Variants in MAPK12 observed in about 807,000 individuals in gnomAD.
MAPK12 encodes the protein mitogen-activated protein kinase 12, also known as MAP kinase 12.
MAPK12 carries 49 observed loss-of-function variants against 49.1 expected under a neutral mutation model. That is an observed-to-expected ratio of 1.00 (90% CI 0.79 to 1.27). The LOEUF is 1.27. Among genes scored for constraint, MAPK12 ranks in the 50% most tolerant of loss-of-function variants. MAPK12 has a pLI of 0.00. For missense variants in MAPK12, 554 were observed against 502.4 expected (o/e 1.10, Z -0.98); for synonymous variants, 251 against 209.7 (o/e 1.20, Z -1.70).
rs200252096 is a variant in MAPK12, at chr22:50,258,210, C to T, written c.314+33G>A. On this transcript the variant is annotated intron_variant, in intron 3 of 11. Transcript: ENST00000215659. ...GTGCCCAGAGCTGCCCAACACCCCTCGTGCCCAGCGGCCAGCCCAGGTCGG... is the reference window on the plus strand; with the variant it reads ...GTGCCCAGAGCTGCCCAACACCCCTTGTGCCCAGCGGCCAGCCCAGGTCGG... 245 of 1,609,770 alleles carry T rather than the reference C, an allele frequency of 1.5e-4. 1 individual carries two copies. In the East Asian group the frequency reaches 2.0e-3, roughly 13 times the overall value.
At chr22:50,257,633 G>T in intron 3 of MAPK12, 1 of 575,208 alleles carries the variant, frequency 1.7e-6, no homozygotes, top group Non-Finnish European at 3.1e-6. Context: ...ATGGGGGCGC[G>T]GCAAGGCATC....
Position 50,255,497 on chromosome 22 carries a change from T to C in MAPK12, c.806A>G (p.Glu269Gly). 6.2e-7 allele frequency: 1 copy of C among 1,613,110 alleles called. No individual in the cohort carries two copies. The highest frequency in any genetic ancestry group is 8.5e-7 in the Non-Finnish European group (1 of 1,179,994). Residue 269 changes from glutamate to glycine, a missense_variant, in exon 10 of 12, where the codon GAG (glutamate) becomes GGG (glycine). Coordinates refer to ENST00000215659, the MANE Select transcript of MAPK12 (RefSeq NM_002969.6). ...KNYMKGLPEL[E>G]KKDFASILTN... ...CAGGATAGAGGCAAAATCCTTCTTC[T>C]CCAATTCGGGGAGGCCCTTCATGTA...
intron 2 of MAPK12, 131 bp from the exon 3 acceptor site, chr22:50,258,432 C>T (rs2065175792): frequency 1.3e-6 from 1 of 785,838 alleles, no homozygotes; most frequent in Non-Finnish European, 2.2e-6. Context: ...GTCCAAAGGG[C>T]CTGGCTCTGC....
Position 50,261,627 on chromosome 22 carries a change from C to A in MAPK12, c.-118G>T. ...TCCGCGCCGCTCGTCCGCTCGCCCG[C>A]CCGCCCGCCGGCCGCTGGGGCGCTC... is the stretch of plus-strand genomic sequence containing the variant. On this transcript the variant is annotated 5_prime_UTR_variant, in exon 1 of 12. Coordinates refer to ENST00000215659, the MANE Select transcript of MAPK12 (RefSeq NM_002969.6). 1 of 987,664 alleles carries A rather than the reference C, an allele frequency of 1.0e-6. No homozygotes were observed. The highest frequency in any genetic ancestry group is 1.2e-6 in the Non-Finnish European group (1 of 829,574). 61.2% of individuals were successfully genotyped at this position (987,664 alleles called of 1,614,324 possible).
chr22:50,255,850 C>T lies in MAPK12; in HGVS notation c.651G>A (p.Ala217=), dbSNP rs141556582. ...ACAGCGTCTTGCCTGTGATCATCTC[C>T]GCCATGATGCAGCCCACAGACCAGA... ...VDIWSVGCIM[A]EMITGKTLFK... The change falls in exon 8 of 12, where the codon GCG becomes GCA. Residue 217 remains alanine (A), a synonymous_variant. Transcript: ENST00000215659. 1.6e-4 allele frequency: 254 copies of T among 1,612,780 alleles called. 1 individual carries two copies. In the African/African-American group the frequency reaches 2.6e-3, roughly 16 times the overall value.
intron 7 of MAPK12, 30 bp from the exon 8 acceptor site, chr22:50,255,911 G>A (rs1395026305): frequency 9.4e-6 from 15 of 1,600,532 alleles, no homozygotes; most frequent in Non-Finnish European, 1.2e-5. Flanking sequence ...CAGCTCCGTG[G>A]GCAGGGGGAC....
Position 50,252,970 on chromosome 22 carries a change from C to T in MAPK12, c.*431G>A, listed in dbSNP as rs1569139779. 2 of 262,120 alleles carry T rather than the reference C, an allele frequency of 7.6e-6. No individual in the cohort carries two copies. The highest frequency in any genetic ancestry group is 1.1e-4 in the East Asian group (1 of 9,118). The allele number at this position is 262,120 out of a possible 1,614,324, so 16.2% of individuals were successfully genotyped here. On this transcript the variant is annotated 3_prime_UTR_variant, in exon 12 of 12. Transcript: ENST00000215659. Reference sequence around the variant, plus strand: ...CCACACAGCTGATTTACATTCCAGGCTGGGGGTGCAGGAAGGTCCACTGAC... The same window carrying T: ...CCACACAGCTGATTTACATTCCAGGTTGGGGGTGCAGGAAGGTCCACTGAC...
intron 2 of MAPK12, among the ~76,000 whole-genome samples, chr22:50,260,230 GGC>G (rs2065196882): frequency 5.8e-5 from 1 of 17,156 alleles, no homozygotes; most frequent in Admixed American, 5.8e-4. Context: ...CGGGGGACGG[GGC>G]ACTTTGCTGG....
At chr22:50,253,545 G>C in intron 11 of MAPK12, 65 bp from the exon 12 acceptor site, 1 of 819,984 alleles carries the variant, frequency 1.2e-6, no homozygotes, top group Non-Finnish European at 2.1e-6. Context: ...CATCCTGGGA[G>C]TCGCTCACAG....
intron 2 of MAPK12, among the ~76,000 whole-genome samples, chr22:50,260,194 C>T (rs965059329): frequency 1.1e-4 from 16 of 151,706 alleles, no homozygotes; most frequent in Non-Finnish European, 2.1e-4. Flanking sequence ...ATCCAAGGGG[C>T]TGAGGGAGTA....
At chr22:50,253,502 G>GGGGGCGGC in intron 11 of MAPK12, 22 bp from the exon 12 acceptor site, 1 of 171,686 alleles carries the variant, frequency 5.8e-6, no homozygotes, top group Non-Finnish European at 1.1e-5. Context: ...GGGGGGGCGG[G>GGGGGCGGC]CACAACAGAG....
At chr22:50,260,551 T>C (rs1382623585) in intron 2 of MAPK12, among the ~76,000 whole-genome samples, 2 of 152,124 alleles carry the variant, frequency 1.3e-5, no homozygotes, top group African/African-American at 2.4e-5. Context: ...CTGGAAAGGA[T>C]GGGCCCCCAC....
chr22:50,261,339 C>T, intron 1 of MAPK12, 43 bp from the exon 2 acceptor site: 5 of 1,177,148 alleles, frequency 4.2e-6, no homozygotes, highest in Non-Finnish European at 5.3e-6. Flanking sequence ...GCACCCCGCG[C>T]AGGCCCCGCC....
At chr22:50,256,295 C>G in intron 6 of MAPK12, 96 bp from the exon 7 acceptor site, 1 of 951,364 alleles carries the variant, frequency 1.1e-6, no homozygotes, top group Non-Finnish European at 1.6e-6. Context: ...GGACTTGAAG[C>G]TCCCAAGCTG....
Position 50,257,189 on chromosome 22 carries a change from G to A in MAPK12, c.319C>T (p.Leu107=), listed in dbSNP as rs2065159650. Reference sequence around the variant, plus strand: ...TCGGTGCCCATGAACGGCATCACCAGGTAACTGTGGGAGGGGCCGGAGCGC... The same window carrying A: ...TCGGTGCCCATGAACGGCATCACCAAGTAACTGTGGGAGGGGCCGGAGCGC... ...ETLDDFTDFY[L]VMPFMGTDLG... is the part of the protein sequence containing the mutation. Residue 107 remains leucine (L), a synonymous_variant, in exon 4 of 12, where the codon CTG becomes TTG. Coordinates refer to ENST00000215659, the MANE Select transcript of MAPK12 (RefSeq NM_002969.6). 2 of 1,611,740 alleles carry A rather than the reference G, an allele frequency of 1.2e-6. No individual in the cohort carries two copies. The highest frequency in any genetic ancestry group is 1.7e-5 in the Admixed American group (1 of 60,022).
chr22:50,254,726 G>A (rs1229793824), intron 11 of MAPK12: 49 of 1,070,250 alleles, frequency 4.6e-5, no homozygotes, highest in East Asian at 1.6e-4. Flanking sequence ...AGGGACAAGC[G>A]GACGTGGTGA....
In MAPK12 at chr22:50,252,987, T is replaced by C; in HGVS notation, c.*414A>G. On this transcript the variant is annotated 3_prime_UTR_variant, in exon 12 of 12. Transcript: ENST00000215659. ...ATTCCAGGCTGGGGGTGCAGGAAGG[T>C]CCACTGACGTCGCCCAGGAGAGGGG... is the stretch of plus-strand genomic sequence containing the variant. 2 of 275,080 alleles carry C rather than the reference T, an allele frequency of 7.3e-6. No homozygotes were observed. Among genetic ancestry groups the C allele is most frequent in the Non-Finnish European group, 1.4e-5 (2 of 139,414 alleles). 17.0% of individuals were successfully genotyped at this position (275,080 alleles called of 1,614,324 possible). A position where few individuals can be genotyped will look rare whatever the true frequency, so the allele number is the denominator to read the frequency against.
At chr22:50,255,091 T>C (rs1555913287) in intron 11 of MAPK12, 106 bp downstream of exon 11, 3 of 1,526,344 alleles carry the variant, frequency 2.0e-6, no homozygotes, top group Non-Finnish European at 2.6e-6. Flanking sequence ...AACTCACGGG[T>C]CCACACAGGC....
In MAPK12 at chr22:50,256,610, A is replaced by G. The variant is rs759318479; in HGVS notation, c.493T>C (p.Cys165Arg). The change falls in exon 6 of 12, where the codon TGT (cysteine) becomes CGT (arginine). Residue 165 changes from cysteine to arginine, a missense_variant. By Grantham distance (180) the Cys-to-Arg change is radical. Transcript: ENST00000215659. ...CAGGCAGCACACACCTTCAGCTCAC[A>G]GTCTTCGTTCACAGCCAGGTTGCCG... ...KPGNLAVNED[C>R]ELKILDFGLA... 1.9e-6 allele frequency: 3 copies of G among 1,611,686 alleles called. No homozygotes were observed. The highest frequency in any genetic ancestry group is 3.3e-5 in the Admixed American group (2 of 59,888).
Sources: allele counts gnomAD v4.1 joint callset (sites outside exome capture counted in the v4.1 genomes callset), GRCh38; gene constraint gnomAD v4.1.1; transcripts MANE v1.5; gene names NCBI Gene and HGNC (gene_info 2026-07-23, HGNC 2026-07-21).